Variants in ZNF208 observed in about 807,000 individuals in gnomAD.
ZNF208 encodes the protein zinc finger protein 95.
A neutral mutation model predicts 12.1 loss-of-function variants in ZNF208; 10 were observed. That is an observed-to-expected ratio of 0.83 (90% CI 0.51 to 1.40). The LOEUF (loss-of-function observed/expected upper bound fraction) is 1.40, where lower values mean the gene tolerates loss of function less well. Among genes scored for constraint, ZNF208 ranks in the 40% most tolerant of loss-of-function variants. The probability of loss-of-function intolerance (pLI) is 0.00; values close to 1 mark genes in which losing one functional copy is unlikely to be tolerated. For missense variants in ZNF208, 1,652 were observed against 1,485.0 expected (o/e 1.11, Z -1.85); for synonymous variants, 497 against 488.4 (o/e 1.02, Z -0.23).
At chr19:21,949,254 C>T (rs545286338) in intron 4 of ZNF208, among the ~76,000 whole-genome samples, 2 of 152,292 alleles carry the variant, frequency 1.3e-5, no homozygotes, top group South Asian at 4.1e-4. Context: ...TAACACTGTT[C>T]TCTGTGCCCC....
intron 1 of ZNF208, among the ~76,000 whole-genome samples, chr19:21,997,431 C>T (rs141170499): frequency 0.023 from 3,552 of 152,170 alleles, 116 homozygotes; most frequent in African/African-American, 0.08. Flanking sequence ...AGTGTTGATT[C>T]GGGTGCTATC....
At chr19:21,988,648 C>A (rs1463167206) in intron 2 of ZNF208, 135 bp downstream of exon 2, 3 of 1,549,154 alleles carry the variant, frequency 1.9e-6, no homozygotes, top group East Asian at 2.3e-5. Flanking sequence ...AGGCCCCTGA[C>A]CCCTTCTTCC....
chr19:22,004,080 G>C (rs568339080), intron 1 of ZNF208, among the ~76,000 whole-genome samples: 75 of 152,188 alleles, frequency 4.9e-4, no homozygotes, highest in African/African-American at 1.7e-3. Context: ...GGGAAGCTTA[G>C]GTAGAAGAGG....
intron 1 of ZNF208, among the ~76,000 whole-genome samples, chr19:22,007,308 A>G (rs921489399): frequency 6.6e-5 from 10 of 151,444 alleles, no homozygotes; most frequent in Non-Finnish European, 1.5e-4. Context: ...TCATGAGGTC[A>G]GGAGATTGAG....
chr19:22,006,046 A>C (rs571459202), intron 1 of ZNF208, among the ~76,000 whole-genome samples: 47 of 152,302 alleles, frequency 3.1e-4, no homozygotes, highest in South Asian at 2.9e-3. Context: ...AATACCTTTT[A>C]ATCAAACTTA....
intron 1 of ZNF208, among the ~76,000 whole-genome samples, chr19:22,005,767 A>G (rs575917534): frequency 3.9e-5 from 6 of 152,306 alleles, no homozygotes; most frequent in African/African-American, 1.4e-4. Flanking sequence ...TAAAATATAC[A>G]ACCCCCAAAA....
At position 21,947,714 on chromosome 19, in the gene ZNF208, G is replaced by A. The variant is rs566377699; in HGVS notation, c.306-14477C>T. On this transcript the variant is annotated intron_variant, in intron 4 of 4. Coordinates refer to the ZNF208 transcript ENST00000599916. ...ACTACACTGGAATTTGAACAAAAAGGAATTTTATGTTGAAGGTAAACTCAT... is the reference window on the plus strand; with the variant it reads ...ACTACACTGGAATTTGAACAAAAAGAAATTTTATGTTGAAGGTAAACTCAT... Among the ~76,000 whole-genome samples the A allele has an allele frequency of 2.1e-3, 317 of 152,246 alleles. 1 individual carries two copies. The highest frequency in any genetic ancestry group is 6.8e-3 in the African/African-American group (282 of 41,550).
At chr19:21,997,837 C>T (rs1212025685) in intron 1 of ZNF208, 2 of 152,200 alleles carry the variant, frequency 1.3e-5, no homozygotes, top group African/African-American at 4.8e-5. Flanking sequence ...CTCACTGTGA[C>T]AGCTCACGTC....
At chr19:21,961,260 G>A (rs1030862387), downstream of ZNF208, among the ~76,000 whole-genome samples, 2 of 152,158 alleles carry the variant, frequency 1.3e-5, no homozygotes, top group African/African-American at 2.4e-5. Flanking sequence ...ATGCCCACCT[G>A]AGCCACAAAT....
At chr19:21,956,543 G>T (rs2666440) in intron 4 of ZNF208, among the ~76,000 whole-genome samples, 84,716 of 151,950 alleles carry the variant, frequency 0.56, 23,879 homozygotes, top group East Asian at 0.69. Context: ...AATGGCAGAA[G>T]CCCCTCCCCT....
At chr19:21,955,597 C>A (rs549041386) in intron 4 of ZNF208, among the ~76,000 whole-genome samples, 1 of 152,258 alleles carries the variant, frequency 6.6e-6, no homozygotes, top group South Asian at 2.1e-4. Context: ...ATCACTGATA[C>A]CCTTTCTTCC....
At chr19:21,992,540 G>T (rs1015770329) in intron 1 of ZNF208, among the ~76,000 whole-genome samples, 1 of 152,108 alleles carries the variant, frequency 6.6e-6, no homozygotes, top group African/African-American at 2.4e-5. Context: ...CTGTACTGCA[G>T]AGACATAATA....
At position 21,974,673 on chromosome 19, in the gene ZNF208, C is replaced by A; in HGVS notation, c.361G>T (p.Asp121Tyr). The A allele has an allele frequency of 1.2e-6, 2 of 1,613,740 alleles. No homozygotes were observed. The highest frequency in any genetic ancestry group is 1.7e-6 in the Non-Finnish European group (2 of 1,179,792). Residue 121 changes from aspartate to tyrosine, a missense_variant, in exon 4 of 4, where the codon GAT (aspartate) becomes TAT (tyrosine). Physicochemically the swap from Asp to Tyr is radical, Grantham distance 160. This residue lies in a region of ZNF208 where 410 missense variants were observed against 378.2 expected (regional missense o/e 1.08). Transcript: ENST00000397126. ...LHLKIGYTNVDECKVHKEGYN... is the reference protein window; with the variant it reads ...LHLKIGYTNVYECKVHKEGYN... ...CCTTCTTTGTGCACCTTACACTCAT[C>A]CACATTGGTATAACCAATTTTTAAG...
chr19:21,956,089 T>C (rs566939322), intron 4 of ZNF208, among the ~76,000 whole-genome samples: 1 of 152,356 alleles, frequency 6.6e-6, no homozygotes, highest in Admixed American at 6.5e-5. Flanking sequence ...TATTGTAGTT[T>C]GCTGGAGGTC....
chr19:22,009,973 C>T (rs1435971731), intron 1 of ZNF208, among the ~76,000 whole-genome samples: 1 of 152,096 alleles, frequency 6.6e-6, no homozygotes, highest in Non-Finnish European at 1.5e-5. Context: ...ATCACGAGGT[C>T]AGGAGATCGA....
At chr19:21,987,334 C>G (rs776416637) in intron 2 of ZNF208, 23 bp from the exon 3 acceptor site, 1 of 1,594,156 alleles carries the variant, frequency 6.3e-7, no homozygotes, top group South Asian at 1.1e-5. Flanking sequence ...AAATGAACAA[C>G]ATGCTTCTTG....
At chr19:21,964,469 T>C (rs915838812), downstream of ZNF208, among the ~76,000 whole-genome samples, 1 of 151,700 alleles carries the variant, frequency 6.6e-6, no homozygotes, top group East Asian at 1.9e-4. Flanking sequence ...ATATATATTT[T>C]TAAACTATAC....
intron 4 of ZNF208, among the ~76,000 whole-genome samples, chr19:21,959,084 A>T (rs937097292): frequency 7.0e-6 from 1 of 143,334 alleles, no homozygotes; most frequent in Non-Finnish European, 1.5e-5. Flanking sequence ...TCTCATGATT[A>T]AAAAAAAAAA....
At position 21,973,270 on chromosome 19, in the gene ZNF208, T is replaced by C. The variant is rs775888396; in HGVS notation, c.1764A>G (p.Lys588=). 5 of 1,612,646 alleles carry C rather than the reference T, an allele frequency of 3.1e-6. No individual in the cohort carries two copies. The South Asian group carries it at 5.5e-5, about 18-fold the overall frequency. The change falls in exon 4 of 4, where the codon AAA becomes AAG. Residue 588 remains lysine, a synonymous_variant. Coordinates refer to ENST00000397126, the MANE Select transcript of ZNF208 (RefSeq NM_007153.3). ...EKPYKCEECG[K]AFNQSAILIK... ...TAAGAATTGCAGATTGGTTAAAAGC[T>C]TTGCCACATTCTTCACATTTGTAGG...
Sources: gnomAD v4.1 joint callset for allele counts (sites outside exome capture counted in the v4.1 genomes callset) on GRCh38, gnomAD v4.1.1 for gene constraint, gnomAD v4.1.1 regional missense constraint, MANE v1.5 for transcripts, NCBI Gene and HGNC (gene_info 2026-07-23, HGNC 2026-07-21) for gene names.